The following USHBP1 variants were observed in gnomAD, a reference collection of about 807,000 sequenced individuals.
USHBP1 encodes the protein harmonin-binding protein USHBP1.
In USHBP1, 67 loss-of-function variants were observed where a neutral mutation model predicts 76.2. The observed-to-expected ratio is 0.88, with a 90% confidence interval of 0.72 to 1.08. The LOEUF (loss-of-function observed/expected upper bound fraction) is 1.08. Among genes scored for constraint, USHBP1 ranks in the 50% least tolerant of loss-of-function variants. The pLI, the probability that USHBP1 is intolerant of heterozygous loss-of-function variation, is 0.00. For missense variants in USHBP1, 931 were observed against 915.0 expected, an observed-to-expected ratio of 1.02 and a Z score of -0.23; for synonymous variants, 322 against 362.2, an observed-to-expected ratio of 0.89 and a Z score of 1.26.
At chr19:17,262,168 T>A (rs1191062944) in intron 4 of USHBP1, among the ~76,000 whole-genome samples, 1 of 151,146 alleles carries the variant, frequency 6.6e-6, no homozygotes, top group Non-Finnish European at 1.5e-5. Context: ...ACCCGGCTAA[T>A]TTTTTTTTGT....
chr19:17,259,495 A>G, intron 6 of USHBP1, 66 bp from the exon 7 acceptor site: 1 of 1,608,688 alleles, frequency 6.2e-7, no homozygotes, highest in Non-Finnish European at 8.5e-7. Flanking sequence ...CTCAATTTCC[A>G]CCCTTTCCCT....
chr19:17,263,818 A>T lies in USHBP1; in HGVS notation c.203+184T>A, dbSNP rs892885629. 6 of 738,644 alleles carry T rather than the reference A, an allele frequency of 8.1e-6. No individual in the cohort carries two copies. The Admixed American group carries it at 1.8e-4, about 22-fold the overall frequency. The allele number at this position is 738,644 out of a possible 1,614,324, so 45.8% of individuals were successfully genotyped here. A position where few individuals can be genotyped will look rare whatever the true frequency, so the allele number is the denominator to read the frequency against. On this transcript the variant is annotated intron_variant, in intron 3 of 12. Transcript: ENST00000252597. ...GAGGCAGGGGTTGCTGTGAGCCGAG[A>T]TTGTGCCACTGCACTGCACTACAGC...
intron 3 of USHBP1, 39 bp from the exon 4 acceptor site, chr19:17,263,029 T>C (rs1568328788): frequency 6.7e-7 from 1 of 1,491,404 alleles, no homozygotes. Flanking sequence ...CACTCCATGC[T>C]GGGCAAGGAA....
In USHBP1 at chr19:17,255,604, C is replaced by T. The variant is rs1322594103; in HGVS notation, c.1473G>A (p.Glu491=). ...GCCGAAGCATCAGGTCCGCCAGGGC[C>T]TCCTGTGGGACCAAGGAGAGGGGAG... ...QIQQDLVAAR[E]ALADLMLRLQ... is the part of the protein sequence containing the mutation. The change falls in exon 10 of 13, where the codon GAG becomes GAA. Residue 491 remains glutamate, a splice_region_variant and synonymous_variant. Coordinates refer to ENST00000252597, the MANE Select transcript of USHBP1 (RefSeq NM_031941.4). The T allele has an allele frequency of 6.2e-7, 1 of 1,609,144 alleles. No individual in the cohort carries two copies. Among genetic ancestry groups the T allele is most frequent in the Non-Finnish European group, 8.5e-7 (1 of 1,177,448 alleles).
chr19:17,256,608 G>A lies in USHBP1; in HGVS notation c.1333C>T (p.Pro445Ser). The A allele has an allele frequency of 1.2e-6, 2 of 1,614,222 alleles. No individual in the cohort carries two copies. The highest frequency in any genetic ancestry group is 1.7e-6 in the Non-Finnish European group (2 of 1,180,040). ...RRSLMKILSE[P>S]GPTLAPMPTV... Reference sequence around the variant, plus strand: ...GGCATGGGTGCCAAGGTGGGGCCAGGCTCTGAGAGAATCTTCATTAGAGAA... The same window carrying A: ...GGCATGGGTGCCAAGGTGGGGCCAGACTCTGAGAGAATCTTCATTAGAGAA... The change falls in exon 9 of 13, where the codon CCT becomes TCT. Residue 445 changes from proline to serine, a missense_variant. By Grantham distance (74) the Pro-to-Ser change is moderately conservative. Transcript: ENST00000252597.
In USHBP1 at chr19:17,250,233, A is replaced by G. The variant is rs2073531765; in HGVS notation, c.2104T>C (p.Phe702Leu). The G allele has an allele frequency of 6.2e-7, 1 of 1,608,868 alleles. No homozygotes were observed. The highest frequency in any genetic ancestry group is 8.5e-7 in the Non-Finnish European group (1 of 1,178,138). ...PLPPPQLGDT[F>L]L ...ATGGCTGGGTAAGGGGCCTACAGAA[A>G]GGTGTCCCCAAGCTGGGGAGGCGGG... The change falls in exon 13 of 13, where the codon TTT (phenylalanine) becomes CTT (leucine). Residue 702 changes from phenylalanine to leucine, a missense_variant. By Grantham distance (22) the Phe-to-Leu change is conservative (BLOSUM62 0). Transcript: ENST00000252597.
rs747283435 is a variant in USHBP1 at position 17,256,559 on chromosome 19, A to T, written c.1382T>A (p.Met461Lys). The T allele has an allele frequency of 1.9e-6, 3 of 1,614,140 alleles. No individual in the cohort carries two copies. In the South Asian group the frequency reaches 3.3e-5, roughly 18 times the overall value. The change falls in exon 9 of 13, where the codon ATG becomes AAG. Residue 461 changes from methionine to lysine, a missense_variant. By Grantham distance (95) the Met-to-Lys change is moderately conservative. Transcript: ENST00000252597. Reference protein sequence around the residue: ...PMPTVPRAEAMVQAILGTQAG... With the variant: ...PMPTVPRAEAKVQAILGTQAG... ...CTGGGTCCCCAGAATGGCCTGCACC[A>T]TGGCTTCTGCACGGGGCACAGTGGG...
At position 17,256,518 on chromosome 19, in the gene USHBP1, G is replaced by A. The variant is rs35980215; in HGVS notation, c.1423C>T (p.Pro475Ser). ...ILGTQAGPAL[P>S]RLEKTQIQQD... ...TGAATTTGTGTCTTCTCCAGTCGGG[G>A]AAGAGCTGGGCCAGCCTGGGTCCCC... The change falls in exon 9 of 13, where the codon CCC (proline) becomes TCC (serine). Residue 475 changes from proline (P) to serine (S), a missense_variant. Pro to Ser is a moderately conservative substitution (Grantham distance 74). Coordinates refer to ENST00000252597, the MANE Select transcript of USHBP1 (RefSeq NM_031941.4). The A allele has an allele frequency of 5.6e-6, 9 of 1,613,890 alleles. 1 individual carries two copies. The highest frequency in any genetic ancestry group is 7.6e-6 in the Non-Finnish European group (9 of 1,180,026).
rs1454846574 is a variant in USHBP1 at position 17,250,356 on chromosome 19, A to G, written c.1981T>C (p.Leu661=). 1 of 1,613,278 alleles carries G rather than the reference A, an allele frequency of 6.2e-7. No homozygotes were observed. Among genetic ancestry groups the G allele is most frequent in the East Asian group, 2.2e-5 (1 of 44,828 alleles). ...HRKQEEQRRK[L]EQQMALMEAQ... ...TCCATGAGTGCCATCTGCTGCTCCA[A>G]CTTCCGGCGTTGCTCTTCCTGCTTC... The change falls in exon 13 of 13, where the codon TTG becomes CTG. Residue 661 remains leucine, a synonymous_variant. Transcript: ENST00000252597.
intron 10 of USHBP1, among the ~76,000 whole-genome samples, chr19:17,254,233 G>A (rs1364917962): frequency 6.6e-6 from 1 of 151,848 alleles, no homozygotes. Context: ...TGTAGTCCCA[G>A]CTACTCGGCA....
intron 4 of USHBP1, among the ~76,000 whole-genome samples, chr19:17,261,999 ATTTT>A (rs33975731): frequency 2.3e-4 from 29 of 124,470 alleles, no homozygotes; most frequent in Admixed American, 1.6e-3. Flanking sequence ...AACCTGGCTG[ATTTT>A]TTTTTTTTTT....
At chr19:17,260,072 A>G in intron 4 of USHBP1, 50 bp from the exon 5 acceptor site, 1 of 1,577,818 alleles carries the variant, frequency 6.3e-7, no homozygotes, top group Non-Finnish European at 8.6e-7. Context: ...ACCAACCACC[A>G]GCCCTCTCTC....
At position 17,262,920 on chromosome 19, in the gene USHBP1, C is replaced by A; in HGVS notation, c.274G>T (p.Ala92Ser). 1 of 1,566,338 alleles carries A rather than the reference C, an allele frequency of 6.4e-7. No homozygotes were observed. Among genetic ancestry groups the A allele is most frequent in the Non-Finnish European group, 8.7e-7 (1 of 1,154,488 alleles). Residue 92 changes from alanine to serine, a missense_variant, in exon 4 of 13, where the codon GCA (alanine) becomes TCA (serine). Coordinates refer to ENST00000252597, the MANE Select transcript of USHBP1 (RefSeq NM_031941.4). The stretch of plus-strand genomic sequence containing the variant: ...TCTGGGGCTTGGTGGGCTTCCACTG[C>A]AGGTTTGTGGGGCACTTCGGGGGCT... The part of the protein sequence containing the change: ...ASAPEVPHKP[A>S]VEAHQAPEAA...
chr19:17,254,237 C>T (rs1333084078), intron 10 of USHBP1, among the ~76,000 whole-genome samples: 3 of 151,780 alleles, frequency 2.0e-5, no homozygotes, highest in Admixed American at 6.6e-5. Flanking sequence ...GTCCCAGCTA[C>T]TCGGCAGGCG....
intron 4 of USHBP1, among the ~76,000 whole-genome samples, chr19:17,262,228 C>A (rs958309803): frequency 2.0e-5 from 3 of 151,972 alleles, no homozygotes; most frequent in Non-Finnish European, 2.9e-5. Flanking sequence ...TGGCCTTGAA[C>A]TCCTGACTTT....
rs1485950550 is a variant in USHBP1 at position 17,255,569 on chromosome 19, A to G, written c.1508T>C (p.Val503Ala). 1.2e-6 allele frequency: 2 copies of G among 1,612,630 alleles called. No individual in the cohort carries two copies. Among genetic ancestry groups the G allele is most frequent in the South Asian group, 1.1e-5 (1 of 91,000 alleles). Residue 503 changes from valine (V) to alanine (A), a missense_variant, in exon 10 of 13, where the codon GTG becomes GCG. Transcript: ENST00000252597. ...CTCTAGGCCCCGCTTCTCACGCCGC[A>G]CCAGCTGCAGCCGAAGCATCAGGTC... The part of the protein sequence containing the change: ...LADLMLRLQL[V>A]RREKRGLELR...
Position 17,258,238 on chromosome 19 carries a change from T to G in USHBP1, c.1194A>C (p.Ala398=). The G allele has an allele frequency of 3.1e-6, 5 of 1,614,056 alleles. No individual in the cohort carries two copies. In the South Asian group the frequency reaches 5.5e-5, roughly 18 times the overall value. Residue 398 remains alanine, a synonymous_variant, in exon 8 of 13, where the codon GCA becomes GCC. Transcript: ENST00000252597. ...LLAQEEAAMD[A]GAQQNPQPSP... ...TTGGCTGTGGATTCTGCTGTGCTCCTGCATCCATGGCAGCCTCCTCTTGTG... is the reference window on the plus strand; with the variant it reads ...TTGGCTGTGGATTCTGCTGTGCTCCGGCATCCATGGCAGCCTCCTCTTGTG...
chr19:17,251,214 A>G (rs71338620), intron 12 of USHBP1, among the ~76,000 whole-genome samples: 2 of 146,718 alleles, frequency 1.4e-5, no homozygotes, highest in East Asian at 2.0e-4. Flanking sequence ...CTGTCACCCA[A>G]GCTGGAGTGC....
chr19:17,258,885 G>A (rs536670388), intron 7 of USHBP1, among the ~76,000 whole-genome samples: 32 of 151,838 alleles, frequency 2.1e-4, no homozygotes, highest in Non-Finnish European at 4.4e-4. Flanking sequence ...GTTAATTTCT[G>A]GGCCAGGCAA....
Sources: allele counts gnomAD v4.1 joint callset (sites outside exome capture counted in the v4.1 genomes callset), GRCh38; gene constraint gnomAD v4.1.1; transcripts MANE v1.5; gene names NCBI Gene and HGNC (gene_info 2026-07-23, HGNC 2026-07-21).